The following DMTN variants were observed in gnomAD, a reference collection of about 807,000 sequenced individuals.
DMTN encodes dematin.
A neutral mutation model predicts 59.4 loss-of-function variants in DMTN; 27 were observed. That is an observed-to-expected ratio of 0.45 (90% confidence interval 0.33 to 0.63). The LOEUF (loss-of-function observed/expected upper bound fraction) is 0.63. DMTN is among the 20% of genes least tolerant of loss of function. The pLI is 0.02. For missense variants in DMTN, 451 were observed against 528.9 expected, an observed-to-expected ratio of 0.85 and a Z score of 1.45; for synonymous variants, 221 against 203.7, an observed-to-expected ratio of 1.08 and a Z score of -0.72.
At chr8:22,078,697 G>C (rs1246244109) in intron 10 of DMTN, among the ~76,000 whole-genome samples, 1 of 151,664 alleles carries the variant, frequency 6.6e-6, no homozygotes, top group African/African-American at 2.4e-5. Context: ...TGCAAGTTGA[G>C]ACTGAGGTCC....
Position 22,069,459 on chromosome 8 carries a change from C to T in DMTN, c.335C>T (p.Ala112Val), listed in dbSNP as rs1465390831. 6.2e-7 allele frequency: 1 copy of T among 1,613,422 alleles called. No homozygotes were observed. The highest frequency in any genetic ancestry group is 1.7e-5 in the Admixed American group (1 of 59,958). ...CGGTCGCCTGGAATCATCTCTCAGGCCTCGGCCCCCAGAACCACTGGAACC... is the reference window on the plus strand; with the variant it reads ...CGGTCGCCTGGAATCATCTCTCAGGTCTCGGCCCCCAGAACCACTGGAACC... ...DSRSPGIISQ[A>V]SAPRTTGTPR... Residue 112 changes from alanine (A) to valine (V), a missense_variant, in exon 6 of 16, where the codon GCC becomes GTC. Transcript: ENST00000358242.
At chr8:22,080,699 G>A in intron 13 of DMTN, 74 bp downstream of exon 13, 1 of 1,582,320 alleles carries the variant, frequency 6.3e-7, no homozygotes, top group Non-Finnish European at 8.6e-7. Context: ...TCAGGGGAAG[G>A]GGGGTGTGGG....
At chr8:22,079,456 T>A (rs1238656145) in intron 10 of DMTN, among the ~76,000 whole-genome samples, 3 of 150,570 alleles carry the variant, frequency 2.0e-5, no homozygotes, top group Non-Finnish European at 4.4e-5. Flanking sequence ...ATCTCAAAAA[T>A]AAATAAATAA....
upstream of DMTN, among the ~76,000 whole-genome samples, chr8:22,056,259 G>A (rs1802511420): frequency 6.6e-6 from 1 of 152,170 alleles, no homozygotes; most frequent in Non-Finnish European, 1.5e-5. Flanking sequence ...TGAGGGGCCA[G>A]CTCAAGTCTC....
upstream of DMTN, among the ~76,000 whole-genome samples, chr8:22,049,381 C>G (rs1382997554): frequency 1.2e-5 from 1 of 86,218 alleles, no homozygotes; most frequent in African/African-American, 4.4e-5. Context: ...CCGGATGGCC[C>G]GGGGGGTAGG....
In DMTN at chr8:22,072,520, A is replaced by G; in HGVS notation, c.729+70A>G. 2.1e-6 allele frequency: 3 copies of G among 1,460,712 alleles called. No individual in the cohort carries two copies. In the South Asian group the frequency reaches 3.9e-5, roughly 19 times the overall value. The allele number at this position is 1,460,712 out of a possible 1,614,324, so 90.5% of individuals were successfully genotyped here. ...CGCTCTGTTGCCCAGGCTGGCATGC[A>G]GTGGCATGATCTCAGATCACTGCAA... is the stretch of plus-strand genomic sequence containing the variant. On this transcript the variant is annotated intron_variant, in intron 9 of 15. Coordinates refer to ENST00000358242, the MANE Select transcript of DMTN (RefSeq NM_001387751.1).
At chr8:22,066,657 C>G in intron 1 of DMTN, 48 bp from the exon 2 acceptor site, 1 of 392,910 alleles carries the variant, frequency 2.5e-6, no homozygotes, top group African/African-American at 2.1e-5. Context: ...GCGGAGGCCC[C>G]GCAGCCTAAC....
At chr8:22,075,643 C>T (rs1047247746) in intron 10 of DMTN, among the ~76,000 whole-genome samples, 5 of 150,816 alleles carry the variant, frequency 3.3e-5, no homozygotes, top group Non-Finnish European at 7.4e-5. Context: ...CTCAGCCTCC[C>T]GAGTACCTGG....
Position 22,063,860 on chromosome 8 carries a change from T to C in DMTN, c.-171-2845T>C, listed in dbSNP as rs115148513. Among the ~76,000 whole-genome samples the C allele has an allele frequency of 4.7e-3, 720 of 152,284 alleles. 4 individuals carry two copies. Among genetic ancestry groups the C allele is most frequent in the African/African-American group, 0.017 (689 of 41,548 alleles). ...GGTAATTTTCTGCTTTGCATGGGAG[T>C]TATCTAGATGCATGCCTTATTTCTG... On this transcript the variant is annotated intron_variant, in intron 1 of 15. Coordinates refer to ENST00000358242, the MANE Select transcript of DMTN (RefSeq NM_001387751.1).
rs1399809055 is a variant in DMTN at position 22,082,243 on chromosome 8, A to G, written c.*780A>G. 4.4e-6 allele frequency: 2 copies of G among 456,800 alleles called. No individual in the cohort carries two copies. The highest frequency in any genetic ancestry group is 8.8e-6 in the Non-Finnish European group (2 of 227,024). The allele number at this position is 456,800 out of a possible 1,614,324, so 28.3% of individuals were successfully genotyped here. A position where few individuals can be genotyped will look rare whatever the true frequency, so the allele number is the denominator to read the frequency against. On this transcript the variant is annotated 3_prime_UTR_variant, in exon 16 of 16. Transcript: ENST00000358242. The stretch of plus-strand genomic sequence containing the variant: ...TGGCACATTTTGGAGTGTCCTGGCT[A>G]CCAGCTCTCACCTACACCCACGCAC...
Position 22,066,906 on chromosome 8 carries a change from GC to G in DMTN, c.18+17del. On this transcript the variant is annotated intron_variant, in intron 2 of 15. Coordinates refer to ENST00000358242, the MANE Select transcript of DMTN (RefSeq NM_001387751.1). ...ACGGCTGCAGAAGGTGCGCGGCGCCGCCCCGGGCCGGGGCCGCCGAGGGCGG... is the reference window on the plus strand; with the variant it reads ...ACGGCTGCAGAAGGTGCGCGGCGCCGCCCGGGCCGGGGCCGCCGAGGGCGG... 3.2e-6 allele frequency: 4 copies of G among 1,256,910 alleles called. No homozygotes were observed. Among genetic ancestry groups the G allele is most frequent in the South Asian group, 5.8e-5 (2 of 34,766 alleles). The allele number at this position is 1,256,910 out of a possible 1,614,324, so 77.9% of individuals were successfully genotyped here. A position where few individuals can be genotyped will look rare whatever the true frequency, so the allele number is the denominator to read the frequency against.
chr8:22,071,161 A>G (rs1815150319), intron 8 of DMTN, among the ~76,000 whole-genome samples: 1 of 152,134 alleles, frequency 6.6e-6, no homozygotes, highest in South Asian at 2.1e-4. Flanking sequence ...CAGTGGCACA[A>G]TCTTAGCTCA....
At chr8:22,064,083 TGCAGGGAC>T (rs2130752039) in intron 1 of DMTN, among the ~76,000 whole-genome samples, 1 of 152,204 alleles carries the variant, frequency 6.6e-6, no homozygotes, top group African/African-American at 2.4e-5. Context: ...GATGCAGGGA[TGCAGGGAC>T]GGATGGATGG....
chr8:22,063,952 C>G (rs1170523472), intron 1 of DMTN, among the ~76,000 whole-genome samples: 2 of 152,210 alleles, frequency 1.3e-5, no homozygotes, highest in Non-Finnish European at 2.9e-5. Flanking sequence ...GAGTCCTGCT[C>G]TGTGTTCATT....
chr8:22,053,086 A>G (rs1801522275), upstream of DMTN, among the ~76,000 whole-genome samples: 2 of 152,204 alleles, frequency 1.3e-5, no homozygotes, highest in Admixed American at 6.5e-5. Flanking sequence ...TGACGAGAGG[A>G]AAAACGGGCA....
chr8:22,068,884 A>G, intron 4 of DMTN, 132 bp from the exon 5 acceptor site: 1 of 1,035,740 alleles, frequency 9.7e-7, no homozygotes, highest in Non-Finnish European at 1.5e-6. Context: ...GATCCAAGAA[A>G]GCAGAGGTGG....
intron 8 of DMTN, among the ~76,000 whole-genome samples, chr8:22,072,097 C>T (rs939686978): frequency 6.6e-6 from 1 of 152,052 alleles, no homozygotes; most frequent in African/African-American, 2.4e-5. Context: ...CTATATTACC[C>T]CAGGCTGTTC....
At chr8:22,073,905 C>A in intron 10 of DMTN, 70 bp downstream of exon 10, 2 of 1,312,832 alleles carry the variant, frequency 1.5e-6, no homozygotes, top group Non-Finnish European at 1.1e-6. Context: ...CATCTGTTGA[C>A]TTGTGACACA....
chr8:22,069,538 C>T lies in DMTN; in HGVS notation c.394+20C>T, dbSNP rs1412148255. Reference sequence around the variant, plus strand: ...ACCCTGGTAGGTCTTCTCGGCACGACCTCATTGTTTCCTAAGACTTTCTCC... The same window carrying T: ...ACCCTGGTAGGTCTTCTCGGCACGATCTCATTGTTTCCTAAGACTTTCTCC... On this transcript the variant is annotated intron_variant, in intron 6 of 15. Coordinates refer to ENST00000358242, the MANE Select transcript of DMTN (RefSeq NM_001387751.1). The T allele has an allele frequency of 1.9e-6, 3 of 1,566,846 alleles. No individual in the cohort carries two copies. Among genetic ancestry groups the T allele is most frequent in the Admixed American group, 3.8e-5 (2 of 52,490 alleles).
Sources: gnomAD v4.1 joint callset for allele counts (sites outside exome capture counted in the v4.1 genomes callset) on GRCh38, gnomAD v4.1.1 for gene constraint, MANE v1.5 for transcripts, NCBI Gene and HGNC (gene_info 2026-07-23, HGNC 2026-07-21) for gene names.